The following MVB12B variants were observed in gnomAD, a reference collection of about 807,000 sequenced individuals.
MVB12B encodes the protein ESCRT-I complex subunit MVB12B.
In MVB12B, 16 loss-of-function variants were observed where a neutral mutation model predicts 41.6. That is an observed-to-expected ratio of 0.38 (90% confidence interval 0.26 to 0.58). The LOEUF (loss-of-function observed/expected upper bound fraction) is 0.58, where lower values mean the gene tolerates loss of function less well. Ranked by LOEUF, MVB12B falls within the 20% of genes least tolerant of loss-of-function variation. The pLI, the probability that MVB12B is intolerant of heterozygous loss-of-function variation, is 0.62. For synonymous variants in MVB12B, 133 were observed against 139.7 expected, an observed-to-expected ratio of 0.95 and a Z score of 0.34; for missense variants, 274 against 380.2, an observed-to-expected ratio of 0.72 and a Z score of 2.32.
chr9:126,331,805 C>T (rs1329036287), intron 1 of MVB12B, among the ~76,000 whole-genome samples: 1 of 152,174 alleles, frequency 6.6e-6, no homozygotes, highest in South Asian at 2.1e-4. Context: ...GACTTTCCCC[C>T]CTTAGAGCTA....
chr9:126,423,445 A>G (rs1253181669), intron 7 of MVB12B, among the ~76,000 whole-genome samples: 1 of 152,194 alleles, frequency 6.6e-6, no homozygotes, highest in African/African-American at 2.4e-5. Context: ...GGTTCATTTC[A>G]GCTGTTAGTT....
In MVB12B at chr9:126,395,643, C is replaced by G; in HGVS notation, c.608C>G (p.Pro203Arg). 1 of 1,614,126 alleles carries G rather than the reference C, an allele frequency of 6.2e-7. No individual in the cohort carries two copies. The highest frequency in any genetic ancestry group is 2.2e-5 in the East Asian group (1 of 44,882). Residue 203 changes from proline to arginine, a missense_variant, in exon 6 of 10, where the codon CCC becomes CGC. By Grantham distance (103) the Pro-to-Arg change is moderately radical. Transcript: ENST00000361171. The surrounding 1 kb of genome is among the most constrained non-coding windows in gnomAD (Gnocchi z 4.9). ...CCAAGAAATCATGACTCATCTCAAC[C>G]CACAACGCCTTCCCAGTCATCAGCT... ...RVPRNHDSSQ[P>R]TTPSQSSAAS...
chr9:126,452,842 A>G (rs1319203687), intron 7 of MVB12B, among the ~76,000 whole-genome samples: 2 of 152,166 alleles, frequency 1.3e-5, no homozygotes, highest in Non-Finnish European at 2.9e-5. Flanking sequence ...GAAAAAATAA[A>G]TGAAATGCTT....
At chr9:126,493,464 GT>G (rs1005751178) in intron 9 of MVB12B, among the ~76,000 whole-genome samples, 22 of 152,074 alleles carry the variant, frequency 1.4e-4, no homozygotes, top group African/African-American at 5.1e-4. Flanking sequence ...TTTAATATAG[GT>G]TAGGGTTAGT....
rs1832474745 is a variant in MVB12B, at chr9:126,436,207, A to C, written c.757+14259A>C. ...CCAGGAGGCTCTCTCGTGTTCGGGC[A>C]TTTGGGGTCCTTTCTGGTCTGGAGG... On this transcript the variant is annotated intron_variant, in intron 7 of 9. Transcript: ENST00000361171. The surrounding 1 kb of genome is among the most constrained non-coding windows in gnomAD (Gnocchi z 4.1). 6.6e-6 allele frequency among the ~76,000 whole-genome samples: 1 copy of C among 152,168 alleles called. No homozygotes were observed. Among genetic ancestry groups the C allele is most frequent in the Non-Finnish European group, 1.5e-5 (1 of 68,018 alleles).
intron 7 of MVB12B, among the ~76,000 whole-genome samples, chr9:126,431,171 G>A (rs1425291800): frequency 6.6e-6 from 1 of 152,202 alleles, no homozygotes; most frequent in Non-Finnish European, 1.5e-5. Context: ...GTGCTCAGAG[G>A]AAATTTCTTC....
intron 7 of MVB12B, among the ~76,000 whole-genome samples, chr9:126,462,229 G>A (rs111492548): frequency 7.2e-5 from 11 of 152,334 alleles, no homozygotes; most frequent in African/African-American, 2.4e-4. Flanking sequence ...CATTAGGGGC[G>A]TCTTGGAGCC....
At position 126,506,079 on chromosome 9, in the gene MVB12B, C is replaced by T. The variant is rs1834064238; in HGVS notation, c.*2816C>T. 6.6e-6 allele frequency: 1 copy of T among 152,274 alleles called. No homozygotes were observed. Among genetic ancestry groups the T allele is most frequent in the African/African-American group, 2.4e-5 (1 of 41,416 alleles). The allele number at this position is 152,274 out of a possible 1,614,324, so 9.4% of individuals were successfully genotyped here. ...GGAGCAGGTGCTTTGCTGCAGTCTC[C>T]CTTGCAAATGTATAATTAAGGCCTT... On this transcript the variant is annotated 3_prime_UTR_variant, in exon 10 of 10. Coordinates refer to ENST00000361171, the MANE Select transcript of MVB12B (RefSeq NM_033446.3).
rs560052459 is a variant in MVB12B at position 126,453,928 on chromosome 9, G to A, written c.758-27441G>A. On this transcript the variant is annotated intron_variant, in intron 7 of 9. Transcript: ENST00000361171. ...CAAGGGCTCACCAGGCCCCAACAGG[G>A]CAAAAGACAATGAGAGAGGCAAGAT... is the stretch of plus-strand genomic sequence containing the variant. 7.9e-5 allele frequency among the ~76,000 whole-genome samples: 12 copies of A among 152,262 alleles called. No homozygotes were observed. The South Asian group carries it at 1.0e-3, about 13-fold the overall frequency.
chr9:126,407,577 T>G (rs1831480994), intron 6 of MVB12B, among the ~76,000 whole-genome samples: 1 of 152,184 alleles, frequency 6.6e-6, no homozygotes, highest in Non-Finnish European at 1.5e-5. Context: ...TTGGCCTTGT[T>G]GGTGGCAAGC....
chr9:126,327,168 A>T (rs1829004866), intron 1 of MVB12B, 158 bp downstream of exon 1: 1 of 784,552 alleles, frequency 1.3e-6, no homozygotes, highest in African/African-American at 1.9e-5. Context: ...CGCGGCGGGG[A>T]CAGGCCCGGG....
intron 7 of MVB12B, among the ~76,000 whole-genome samples, chr9:126,463,836 G>A (rs548131686): frequency 6.6e-6 from 1 of 152,192 alleles, no homozygotes; most frequent in South Asian, 2.1e-4. Flanking sequence ...TAACCTGTAG[G>A]GAGTCTTTTT....
At chr9:126,422,574 C>A (rs375156627) in intron 7 of MVB12B, among the ~76,000 whole-genome samples, 1 of 152,086 alleles carries the variant, frequency 6.6e-6, no homozygotes, top group Non-Finnish European at 1.5e-5. Context: ...TGCTAAGAGC[C>A]GAGGAAACCC....
At chr9:126,371,000 A>G (rs1029634457) in intron 2 of MVB12B, among the ~76,000 whole-genome samples, 1 of 152,206 alleles carries the variant, frequency 6.6e-6, no homozygotes, top group African/African-American at 2.4e-5. Context: ...TCCATCAAGA[A>G]TTTGTTTTTG....
chr9:126,354,334 C>T (rs527417430), intron 2 of MVB12B, among the ~76,000 whole-genome samples: 9 of 152,212 alleles, frequency 5.9e-5, no homozygotes, highest in Admixed American at 3.9e-4. Flanking sequence ...AGTTTTGTTT[C>T]GTTTTTATGT....
intron 9 of MVB12B, 146 bp from the exon 10 acceptor site, chr9:126,503,031 T>C (rs1833992029): frequency 1.4e-6 from 1 of 735,816 alleles, no homozygotes; most frequent in Admixed American, 2.1e-5. Flanking sequence ...AGGCTCTGGC[T>C]GGCACCGGCC....
At chr9:126,484,128 G>T in intron 9 of MVB12B, 96 bp downstream of exon 9, 1 of 1,151,276 alleles carries the variant, frequency 8.7e-7, no homozygotes, top group Non-Finnish European at 1.3e-6. Context: ...CTCCAAGAGA[G>T]GGACAGGTGG....
At position 126,367,068 on chromosome 9, in the gene MVB12B, G is replaced by A. The variant is rs1228464796; in HGVS notation, c.205-13996G>A. 6.6e-6 allele frequency among the ~76,000 whole-genome samples: 1 copy of A among 152,034 alleles called. No individual in the cohort carries two copies. Among genetic ancestry groups the A allele is most frequent in the Non-Finnish European group, 1.5e-5 (1 of 68,006 alleles). Reference sequence around the variant, plus strand: ...GCCCTACCTGCCAGCACCCCATCAGGCATTTCTTCATCTTTTCATCCTCCT... The same window carrying A: ...GCCCTACCTGCCAGCACCCCATCAGACATTTCTTCATCTTTTCATCCTCCT... On this transcript the variant is annotated intron_variant, in intron 2 of 9. Coordinates refer to ENST00000361171, the MANE Select transcript of MVB12B (RefSeq NM_033446.3). The surrounding 1 kb of genome is among the most constrained non-coding windows in gnomAD (Gnocchi z 4.3).
At chr9:126,342,032 C>G (rs1400806188) in intron 2 of MVB12B, among the ~76,000 whole-genome samples, 1 of 152,256 alleles carries the variant, frequency 6.6e-6, no homozygotes, top group Non-Finnish European at 1.5e-5. Context: ...TGCTGCTTGA[C>G]TTCAAAGTGT....
Sources: gnomAD v4.1 joint callset for allele counts (sites outside exome capture counted in the v4.1 genomes callset) on GRCh38, gnomAD v4.1.1 for gene constraint, Gnocchi (gnomAD v3.1) non-coding constraint, MANE v1.5 for transcripts, NCBI Gene and HGNC (gene_info 2026-07-23, HGNC 2026-07-21) for gene names.